The following ARHGEF3 variants were observed in gnomAD, a reference collection of about 807,000 sequenced individuals.
ARHGEF3 encodes 59.8 kDA protein.
A neutral mutation model predicts 63.2 loss-of-function variants in ARHGEF3; 28 were observed. That is an observed-to-expected ratio of 0.44 (90% confidence interval 0.33 to 0.61). ARHGEF3 has a LOEUF of 0.61. Among genes scored for constraint, ARHGEF3 ranks in the 20% least tolerant of loss-of-function variants. ARHGEF3 has a pLI of 0.03. For missense variants in ARHGEF3, 533 were observed against 659.3 expected (o/e 0.81, Z 2.10); for synonymous variants, 266 against 254.2 (o/e 1.05, Z -0.44).
At chr3:56,951,319 C>G (rs953922454) in intron 3 of ARHGEF3, among the ~76,000 whole-genome samples, 1 of 151,554 alleles carries the variant, frequency 6.6e-6, no homozygotes, top group Non-Finnish European at 1.5e-5. Flanking sequence ...GAAATTGCCA[C>G]AGCCACCCCA....
chr3:56,855,412 G>A (rs2039836169), intron 4 of ARHGEF3, among the ~76,000 whole-genome samples: 1 of 151,866 alleles, frequency 6.6e-6, no homozygotes, highest in Non-Finnish European at 1.5e-5. Context: ...GGCTGGGCGT[G>A]GTGGTTCCTG....
At chr3:56,989,391 C>A (rs1030942331) in intron 2 of ARHGEF3, among the ~76,000 whole-genome samples, 1 of 152,090 alleles carries the variant, frequency 6.6e-6, no homozygotes, top group African/African-American at 2.4e-5. Flanking sequence ...AATCAAGTGT[C>A]CACAGGTGGC....
intron 2 of ARHGEF3, among the ~76,000 whole-genome samples, chr3:56,985,261 G>C (rs1392534982): frequency 6.6e-6 from 1 of 152,228 alleles, no homozygotes; most frequent in African/African-American, 2.4e-5. Flanking sequence ...GCTAATTTTT[G>C]TATTTTTAGC....
intron 4 of ARHGEF3, among the ~76,000 whole-genome samples, chr3:56,849,174 TG>T (rs1055259823): frequency 2.0e-5 from 3 of 152,226 alleles, no homozygotes; most frequent in Admixed American, 2.0e-4. Context: ...TCATTCTGTA[TG>T]TTCCTGGGGA....
At chr3:56,892,271 G>A (rs1202133859) in intron 3 of ARHGEF3, among the ~76,000 whole-genome samples, 3 of 152,058 alleles carry the variant, frequency 2.0e-5, no homozygotes, top group Admixed American at 6.6e-5. Context: ...AAAAAAATAC[G>A]GGCATCGATC....
intron 2 of ARHGEF3, among the ~76,000 whole-genome samples, chr3:56,766,357 GA>G (rs1294835740): frequency 6.6e-6 from 1 of 152,174 alleles, no homozygotes; most frequent in African/African-American, 2.4e-5. Flanking sequence ...GTGGTTGCTA[GA>G]AACCCTTCTT....
intron 4 of ARHGEF3, among the ~76,000 whole-genome samples, chr3:56,853,357 A>G (rs891679003): frequency 3.9e-5 from 6 of 152,172 alleles, no homozygotes; most frequent in African/African-American, 1.2e-4. Flanking sequence ...TTATTTTGAG[A>G]TGGAGTTTAG....
upstream of ARHGEF3, among the ~76,000 whole-genome samples, chr3:56,806,172 C>G (rs75196844): frequency 9.9e-3 from 1,512 of 152,286 alleles, 70 homozygotes; most frequent in East Asian, 0.1. Flanking sequence ...ATGCACTGCT[C>G]CACCATTGAC....
chr3:56,854,510 G>A (rs1227535840), intron 4 of ARHGEF3, among the ~76,000 whole-genome samples: 2 of 152,166 alleles, frequency 1.3e-5, no homozygotes, highest in Non-Finnish European at 2.9e-5. Flanking sequence ...CGGGTTCAGT[G>A]TGGGGAATGG....
At chr3:56,801,608 G>C in intron 1 of ARHGEF3, 95 bp downstream of exon 1, 1 of 1,439,004 alleles carries the variant, frequency 6.9e-7, no homozygotes, top group South Asian at 1.3e-5. Context: ...TGGAAACAGA[G>C]ACAGTGACAC....
rs2040280927 is a variant in ARHGEF3 at position 56,867,258 on chromosome 3, G to A, written c.192+15034C>T. 2.6e-5 allele frequency among the ~76,000 whole-genome samples: 4 copies of A among 152,166 alleles called. No homozygotes were observed. In the South Asian group the frequency reaches 6.2e-4, roughly 24 times the overall value. The stretch of plus-strand genomic sequence containing the variant: ...CCACTCAATCATTTATCCAACAAAT[G>A]TTTATCGGACACACAATGCCAGACA... On this transcript the variant is annotated intron_variant, in intron 4 of 12. Transcript: ENST00000338458.
chr3:56,860,371 T>C (rs1476959896), intron 4 of ARHGEF3, among the ~76,000 whole-genome samples: 3 of 151,902 alleles, frequency 2.0e-5, no homozygotes, highest in Non-Finnish European at 2.9e-5. Flanking sequence ...TTTGTAGAGA[T>C]GGGGTCTTAC....
intron 2 of ARHGEF3, among the ~76,000 whole-genome samples, chr3:57,001,330 T>C (rs1702184801): frequency 6.6e-6 from 1 of 152,254 alleles, no homozygotes; most frequent in African/African-American, 2.4e-5. Context: ...TACTTGATTA[T>C]ATGGATATAA....
intron 7 of ARHGEF3, among the ~76,000 whole-genome samples, chr3:56,742,174 AT>A (rs879664535): frequency 5.4e-3 from 776 of 143,212 alleles, no homozygotes; most frequent in Admixed American, 8.9e-3. Context: ...GATTTCAGTG[AT>A]TTTTTTTTTT....
At chr3:56,901,659 C>G (rs982016238) in intron 3 of ARHGEF3, among the ~76,000 whole-genome samples, 2 of 151,164 alleles carry the variant, frequency 1.3e-5, no homozygotes, top group African/African-American at 4.9e-5. Flanking sequence ...TCACTGCTCA[C>G]TGTAGCCTTA....
chr3:56,848,556 G>C lies in ARHGEF3; in HGVS notation c.192+33736C>G, dbSNP rs529105630. Among the ~76,000 whole-genome samples, 6 of 152,282 alleles carry C rather than the reference G, an allele frequency of 3.9e-5. No individual in the cohort carries two copies. In the East Asian group the frequency reaches 1.2e-3, roughly 29 times the overall value. On this transcript the variant is annotated intron_variant, in intron 4 of 12. Transcript: ENST00000338458. ...GGAGCTCAACAAAAGGTAATTTATT[G>C]TTGTTATCACATAATAAAAGTCATT...
At chr3:56,823,159 T>A (rs2038582569) in intron 4 of ARHGEF3, among the ~76,000 whole-genome samples, 1 of 152,224 alleles carries the variant, frequency 6.6e-6, no homozygotes, top group Non-Finnish European at 1.5e-5. Context: ...AAGCAATCAT[T>A]ATTATCCTAT....
At chr3:57,022,186 A>G (rs1579109088) in intron 2 of ARHGEF3, among the ~76,000 whole-genome samples, 1 of 151,984 alleles carries the variant, frequency 6.6e-6, no homozygotes, top group Admixed American at 6.6e-5. Context: ...AGTCAGGGGG[A>G]TTGCTTGAGC....
chr3:57,052,325 C>A (rs754541451), intron 1 of ARHGEF3, among the ~76,000 whole-genome samples: 6 of 151,876 alleles, frequency 4.0e-5, no homozygotes, highest in Non-Finnish European at 8.8e-5. Context: ...CAGACGGAGT[C>A]TCCTTCTGTC....
Sources: allele counts gnomAD v4.1 joint callset (sites outside exome capture counted in the v4.1 genomes callset), GRCh38; gene constraint gnomAD v4.1.1; transcripts MANE v1.5; gene names NCBI Gene and HGNC (gene_info 2026-07-23, HGNC 2026-07-21).